The following IPCEF1 variants were observed in gnomAD, a reference collection of about 807,000 sequenced individuals.
IPCEF1 encodes the protein interactor protein for cytohesin exchange factors 1.
Under a neutral mutation model 50.9 loss-of-function variants are expected in IPCEF1, and 31 were observed. The observed-to-expected ratio is 0.61, with a 90% CI of 0.46 to 0.82. The LOEUF (loss-of-function observed/expected upper bound fraction) is 0.82. Ranked by LOEUF, IPCEF1 falls within the 40% of genes least tolerant of loss-of-function variation. The probability of loss-of-function intolerance (pLI) is 0.00; values close to 1 mark genes in which losing one functional copy is unlikely to be tolerated. For missense variants in IPCEF1, 458 were observed against 514.0 expected, an observed-to-expected ratio of 0.89 and a Z score of 1.05; for synonymous variants, 181 against 192.0, an observed-to-expected ratio of 0.94 and a Z score of 0.47.
intron 10 of IPCEF1, among the ~76,000 whole-genome samples, chr6:154,197,760 C>T (rs1483425004): frequency 6.6e-6 from 1 of 152,162 alleles, no homozygotes; most frequent in Non-Finnish European, 1.5e-5. Flanking sequence ...AGGGTTATCT[C>T]TTGGGAAAGA....
rs1029140654 is a variant in IPCEF1 at position 154,155,749 on chromosome 6, C to G, written c.*4079G>C. ...TGAGCTAAAATCGTGCCACTGCACTCCAGCCTGGGCAACAGAGCAAGACTC... is the reference window on the plus strand; with the variant it reads ...TGAGCTAAAATCGTGCCACTGCACTGCAGCCTGGGCAACAGAGCAAGACTC... On this transcript the variant is annotated 3_prime_UTR_variant, in exon 12 of 12. Transcript: ENST00000367220. 6.6e-5 allele frequency: 10 copies of G among 152,050 alleles called. No individual in the cohort carries two copies. The highest frequency in any genetic ancestry group is 1.5e-5 in the Non-Finnish European group (1 of 68,100). The allele number at this position is 152,050 out of a possible 1,614,324, so 9.4% of individuals were successfully genotyped here. A position where few individuals can be genotyped will look rare whatever the true frequency, so the allele number is the denominator to read the frequency against.
intron 5 of IPCEF1, among the ~76,000 whole-genome samples, chr6:154,227,161 A>C (rs2128621985): frequency 6.6e-6 from 1 of 152,164 alleles, no homozygotes; most frequent in South Asian, 2.1e-4. Flanking sequence ...CCAAGACCGC[A>C]CCACTGCACT....
In IPCEF1 at chr6:154,342,431, C is replaced by G. The variant is rs148706111; in HGVS notation, c.-62+14241G>C. 6.6e-5 allele frequency among the ~76,000 whole-genome samples: 10 copies of G among 152,268 alleles called. No homozygotes were observed. In the East Asian group the frequency reaches 1.5e-3, roughly 24 times the overall value. ...ATGTAACCATTCCTCTTACTACCTA[C>G]TCACCCCTCTCCCTACATGCCTTCC... On this transcript the variant is annotated intron_variant, in intron 1 of 11. Coordinates refer to ENST00000367220, the MANE Select transcript of IPCEF1 (RefSeq NM_001130700.2).
chr6:154,163,321 T>G (rs1022133824), intron 11 of IPCEF1, among the ~76,000 whole-genome samples: 2 of 152,242 alleles, frequency 1.3e-5, no homozygotes, highest in Non-Finnish European at 2.9e-5. Context: ...TGTGTTTTTG[T>G]TCCTTTTGCC....
intron 9 of IPCEF1, 144 bp from the exon 10 acceptor site, chr6:154,200,184 A>G (rs1776950234): frequency 4.1e-6 from 3 of 739,778 alleles, no homozygotes; most frequent in African/African-American, 1.8e-5. Flanking sequence ...TAAAGATATG[A>G]TATTTATTTC....
intron 1 of IPCEF1, among the ~76,000 whole-genome samples, chr6:154,294,142 A>C (rs995888899): frequency 3.3e-5 from 5 of 152,288 alleles, no homozygotes; most frequent in African/African-American, 1.2e-4. Context: ...AATCCTCTTA[A>C]AGCAAAGAAT....
At chr6:154,202,843 A>T (rs556158836) in intron 9 of IPCEF1, among the ~76,000 whole-genome samples, 221 of 151,294 alleles carry the variant, frequency 1.5e-3, no homozygotes, top group African/African-American at 5.1e-3. Context: ...TTTTAAATGG[A>T]GAAAAGAAGA....
chr6:154,214,871 T>C (rs1778258079), intron 7 of IPCEF1, among the ~76,000 whole-genome samples: 1 of 152,180 alleles, frequency 6.6e-6, no homozygotes, highest in South Asian at 2.1e-4. Flanking sequence ...GAATTCCAAT[T>C]AAACATCAAT....
At chr6:154,267,909 G>A (rs1251367268) in intron 2 of IPCEF1, among the ~76,000 whole-genome samples, 4 of 152,220 alleles carry the variant, frequency 2.6e-5, no homozygotes, top group African/African-American at 9.6e-5. Flanking sequence ...TTCAGCTCTG[G>A]CTGATCTTGG....
chr6:154,194,027 T>C (rs1422088102), intron 10 of IPCEF1, among the ~76,000 whole-genome samples: 1 of 152,246 alleles, frequency 6.6e-6, no homozygotes, highest in Admixed American at 6.5e-5. Context: ...CAGGAATTTG[T>C]GACCATGAGC....
chr6:154,237,968 A>C (rs1010038596), intron 5 of IPCEF1, among the ~76,000 whole-genome samples: 1 of 152,130 alleles, frequency 6.6e-6, no homozygotes, highest in Non-Finnish European at 1.5e-5. Context: ...TTTCCTGTTA[A>C]CGATTTTAAA....
intron 10 of IPCEF1, 106 bp downstream of exon 10, chr6:154,199,562 A>G: frequency 7.7e-7 from 1 of 1,293,670 alleles, no homozygotes; most frequent in Non-Finnish European, 1.0e-6. Flanking sequence ...TAATTATTGA[A>G]TCATCATTCA....
At chr6:154,243,102 A>G (rs1342890204) in intron 5 of IPCEF1, among the ~76,000 whole-genome samples, 1 of 152,216 alleles carries the variant, frequency 6.6e-6, no homozygotes, top group African/African-American at 2.4e-5. Flanking sequence ...GCGAAGGCTT[A>G]GAGAGAGCCA....
At chr6:154,239,647 C>T (rs745710242) in intron 5 of IPCEF1, among the ~76,000 whole-genome samples, 17 of 152,158 alleles carry the variant, frequency 1.1e-4, no homozygotes, top group Non-Finnish European at 2.2e-4. Context: ...TTCTAGGAAC[C>T]CATATGTTGG....
intron 5 of IPCEF1, among the ~76,000 whole-genome samples, chr6:154,231,170 A>G (rs1056785417): frequency 2.0e-5 from 3 of 152,234 alleles, no homozygotes; most frequent in Non-Finnish European, 4.4e-5. Context: ...ACACAGACTC[A>G]TGACCACTAG....
intron 1 of IPCEF1, among the ~76,000 whole-genome samples, chr6:154,297,612 A>T (rs1782696922): frequency 6.6e-6 from 1 of 152,216 alleles, no homozygotes; most frequent in African/African-American, 2.4e-5. Context: ...AAAAATGCAA[A>T]AGAAAAAGTT....
chr6:154,178,968 G>C (rs922233316), intron 10 of IPCEF1, among the ~76,000 whole-genome samples: 1 of 152,182 alleles, frequency 6.6e-6, no homozygotes, highest in African/African-American at 2.4e-5. Flanking sequence ...CTTATTGGCT[G>C]TTTTGTGTGT....
intron 10 of IPCEF1, among the ~76,000 whole-genome samples, chr6:154,183,299 G>A (rs951658120): frequency 6.6e-6 from 1 of 152,146 alleles, no homozygotes; most frequent in African/African-American, 2.4e-5. Context: ...TTTCAAGATG[G>A]CGCTCTCATT....
At chr6:154,310,131 A>C (rs1435585552) in intron 1 of IPCEF1, among the ~76,000 whole-genome samples, 1 of 152,182 alleles carries the variant, frequency 6.6e-6, no homozygotes, top group Non-Finnish European at 1.5e-5. Context: ...CTACTGCTCC[A>C]ATTCTTACCA....
Sources: allele counts gnomAD v4.1 joint callset (sites outside exome capture counted in the v4.1 genomes callset), GRCh38; gene constraint gnomAD v4.1.1; transcripts MANE v1.5; gene names NCBI Gene and HGNC (gene_info 2026-07-23, HGNC 2026-07-21).